Variants in FGF13 observed in about 807,000 individuals in gnomAD.
FGF13 encodes fibroblast growth factor homologous factor 2.
Under a neutral mutation model 19.5 loss-of-function variants are expected in FGF13, and 2 were observed. The ratio of observed to expected loss-of-function variants is 0.10; its 90% CI spans 0.04 to 0.32. The LOEUF (loss-of-function observed/expected upper bound fraction) is 0.32, where lower values mean the gene tolerates loss of function less well. Among genes scored for constraint, FGF13 ranks in the 10% least tolerant of loss-of-function variants. The pLI, the probability that FGF13 is intolerant of heterozygous loss-of-function variation, is 1.00. For missense variants in FGF13, 113 were observed against 192.7 expected (o/e 0.59, Z 2.45); for synonymous variants, 72 against 76.9 (o/e 0.94, Z 0.33).
At chrX:139,160,056 C>A (rs1406036137) in intron 1 of FGF13, among the ~76,000 whole-genome samples, 11 of 111,832 alleles carry the variant, frequency 9.8e-5, no homozygotes, top group Non-Finnish European at 3.8e-5. Context: ...AGCACCACAT[C>A]ACACTTATTC....
At chrX:138,703,236 C>G (rs957802272) in intron 2 of FGF13, 149 bp from the exon 3 acceptor site, 10 of 452,498 alleles carry the variant, frequency 2.2e-5, no homozygotes, top group African/African-American at 2.2e-4. Context: ...CATGCATACA[C>G]ATACAGACCC....
At chrX:139,109,753 T>C (rs1022588201) in intron 1 of FGF13, among the ~76,000 whole-genome samples, 1 of 111,673 alleles carries the variant, frequency 9.0e-6, no homozygotes, top group African/African-American at 3.3e-5. Flanking sequence ...GGCACATAAT[T>C]AGAGAACCAT....
intron 1 of FGF13, among the ~76,000 whole-genome samples, chrX:139,097,617 C>T (rs375369309): frequency 1.8e-4 from 20 of 111,619 alleles, no homozygotes; most frequent in East Asian, 1.7e-3. Flanking sequence ...TCTCAAAAGA[C>T]GCAGAAGATG....
upstream of FGF13, chrX:138,739,470 T>A (rs1233732857): frequency 3.0e-6 from 1 of 331,974 alleles, no homozygotes; most frequent in Non-Finnish European, 5.2e-6. Context: ...TCCCAGATCA[T>A]TAATGATTCA....
chrX:138,948,063 T>C (rs1228693183), intron 1 of FGF13, among the ~76,000 whole-genome samples: 1 of 111,367 alleles, frequency 9.0e-6, no homozygotes, highest in Non-Finnish European at 1.9e-5. Context: ...TGAGGTAATA[T>C]ATTTCTGTTG....
chrX:138,756,364 G>A (rs2090431388), intron 3 of FGF13, among the ~76,000 whole-genome samples: 1 of 112,511 alleles, frequency 8.9e-6, no homozygotes, highest in Non-Finnish European at 1.9e-5. Flanking sequence ...ACTAGTCACT[G>A]GGAACTGCGG....
chrX:138,756,054 G>T (rs1213157480), intron 3 of FGF13, among the ~76,000 whole-genome samples: 1 of 111,849 alleles, frequency 8.9e-6, no homozygotes. Context: ...ACAAGGAAAA[G>T]GTGTCCATCT....
intron 3 of FGF13, among the ~76,000 whole-genome samples, chrX:138,772,519 T>C (rs1024379550): frequency 1.8e-5 from 2 of 111,565 alleles, no homozygotes; most frequent in East Asian, 2.8e-4. Flanking sequence ...TCATTCCTTA[T>C]ATATTTTGTA....
intron 1 of FGF13, among the ~76,000 whole-genome samples, chrX:139,109,381 G>A (rs1303901025): frequency 1.8e-5 from 2 of 111,864 alleles, no homozygotes; most frequent in African/African-American, 6.5e-5. Context: ...CAAAGGGGAT[G>A]AGAATCATAA....
intron 1 of FGF13, among the ~76,000 whole-genome samples, chrX:138,931,430 GT>G (rs1319553728): frequency 4.5e-5 from 5 of 111,876 alleles, no homozygotes; most frequent in African/African-American, 1.6e-4. Flanking sequence ...AGATGTTTTT[GT>G]GAAACTCCAA....
At chrX:138,830,183 A>G (rs1035402725) in intron 3 of FGF13, among the ~76,000 whole-genome samples, 8 of 112,297 alleles carry the variant, frequency 7.1e-5, no homozygotes, top group Admixed American at 4.7e-4. Context: ...AGGCTGGAAC[A>G]ATTTGGAGGA....
At chrX:138,966,710 T>C (rs1452641721) in intron 1 of FGF13, among the ~76,000 whole-genome samples, 3 of 111,565 alleles carry the variant, frequency 2.7e-5, no homozygotes. Flanking sequence ...TGGAAGGGCA[T>C]GATTGTGTTT....
intron 1 of FGF13, among the ~76,000 whole-genome samples, chrX:139,165,238 G>A (rs1381777592): frequency 8.9e-6 from 1 of 112,221 alleles, no homozygotes; most frequent in East Asian, 2.8e-4. Context: ...AGGATATCTG[G>A]CAGAAGAAAT....
At chrX:138,743,471 G>T (rs2090333327), upstream of FGF13, among the ~76,000 whole-genome samples, 1 of 111,240 alleles carries the variant, frequency 9.0e-6, no homozygotes, top group Admixed American at 9.5e-5. Flanking sequence ...TTATACATTT[G>T]TCCAAACCCA....
Position 138,981,318 on chromosome X carries a change from TACAC to T in FGF13, c.-112-116672_-112-116669del, listed in dbSNP as rs57954256. Among the ~76,000 whole-genome samples, 805 of 96,966 alleles carry T rather than the reference TACAC, an allele frequency of 8.3e-3. 6 individuals carry two copies. The highest frequency in any genetic ancestry group is 0.026 in the African/African-American group (667 of 25,820). The allele number at this position is 96,966 out of a possible 115,157, so 84.2% of individuals were successfully genotyped here. Reference sequence around the variant, plus strand: ...CACAGCTGGAACAAAATTGTGTGCTTACACACACACACACACACACACACACACA... The same window carrying T: ...CACAGCTGGAACAAAATTGTGTGCTTACACACACACACACACACACACACA... On this transcript the variant is annotated intron_variant, in intron 1 of 2. Transcript: ENST00000421460.
rs780437393 is a variant in FGF13, at chrX:138,683,417, A to T, written c.402+19567T>A. Among the ~76,000 whole-genome samples the T allele has an allele frequency of 2.6e-3, 274 of 104,805 alleles. 1 individual carries two copies. The highest frequency in any genetic ancestry group is 0.014 in the Middle Eastern group (3 of 208). 91.0% of individuals were successfully genotyped at this position (104,805 alleles called of 115,157 possible). On this transcript the variant is annotated intron_variant, in intron 3 of 4. Coordinates refer to ENST00000315930, the MANE Select transcript of FGF13 (RefSeq NM_004114.5). ...CAAACACACTCTCTCTCTCTCTCTC[A>T]CACACACACACACACACACACAGCT...
chrX:138,745,158 TC>T (rs972617861), intron 3 of FGF13, among the ~76,000 whole-genome samples: 42 of 112,086 alleles, frequency 3.7e-4, no homozygotes, highest in Middle Eastern at 9.3e-3. Flanking sequence ...AACATCTAAA[TC>T]TGTCAATGAA....
At chrX:139,010,513 T>C (rs1037616528) in intron 1 of FGF13, among the ~76,000 whole-genome samples, 4 of 111,764 alleles carry the variant, frequency 3.6e-5, no homozygotes, top group African/African-American at 9.8e-5. Flanking sequence ...CTCAAAACCA[T>C]GCAAATAACA....
intron 3 of FGF13, among the ~76,000 whole-genome samples, chrX:138,661,859 T>C (rs1290441290): frequency 8.9e-6 from 1 of 111,818 alleles, no homozygotes; most frequent in Non-Finnish European, 1.9e-5. Flanking sequence ...GCTGTGAAAG[T>C]GTTCATGACA....
Sources: allele counts gnomAD v4.1 joint callset (sites outside exome capture counted in the v4.1 genomes callset), GRCh38; gene constraint gnomAD v4.1.1; transcripts MANE v1.5; gene names NCBI Gene and HGNC (gene_info 2026-07-23, HGNC 2026-07-21).